KIAA1671: variants seen among roughly 807,000 people sequenced by gnomAD.
KIAA1671 encodes the protein uncharacterized protein KIAA1671.
KIAA1671 carries 52 observed loss-of-function variants against 131.2 expected under a neutral mutation model. That is an observed-to-expected ratio of 0.40 (90% CI 0.32 to 0.50). The LOEUF (loss-of-function observed/expected upper bound fraction) is 0.50, where lower values mean the gene tolerates loss of function less well. Ranked by LOEUF, KIAA1671 falls within the 20% of genes least tolerant of loss-of-function variation. KIAA1671 has a pLI of 0.73. For missense variants in KIAA1671, 2,360 were observed against 2,364.2 expected, an observed-to-expected ratio of 1.00 and a Z score of 0.04; for synonymous variants, 1,003 against 961.6, an observed-to-expected ratio of 1.04 and a Z score of -0.80.
At chr22:25,157,323 C>T (rs893555004) in intron 6 of KIAA1671, among the ~76,000 whole-genome samples, 3 of 152,150 alleles carry the variant, frequency 2.0e-5, no homozygotes, top group East Asian at 1.9e-4. Flanking sequence ...GTATTCTGTG[C>T]GTTTTGGTCT....
chr22:25,134,454 A>T (rs1164009010), intron 6 of KIAA1671, among the ~76,000 whole-genome samples: 1 of 152,072 alleles, frequency 6.6e-6, no homozygotes, highest in African/African-American at 2.4e-5. Context: ...TTTTTTCATT[A>T]TTGTTTTTAA....
At chr22:25,012,022 C>T (rs1461200117) in intron 1 of KIAA1671, 2 of 152,268 alleles carry the variant, frequency 1.3e-5, no homozygotes, top group East Asian at 3.9e-4. Context: ...TTTTTTAAAT[C>T]AGAATTGGGT....
At chr22:25,071,864 C>T (rs1261074280) in intron 6 of KIAA1671, among the ~76,000 whole-genome samples, 1 of 152,186 alleles carries the variant, frequency 6.6e-6, no homozygotes, top group Non-Finnish European at 1.5e-5. Context: ...ACGGCATGGT[C>T]CCCTGACCGC....
intron 1 of KIAA1671, among the ~76,000 whole-genome samples, chr22:25,017,639 T>C (rs1037668859): frequency 3.3e-5 from 5 of 152,218 alleles, no homozygotes; most frequent in Non-Finnish European, 7.3e-5. Context: ...TTTTATGTTA[T>C]GTGATTTTTA....
At chr22:24,983,924 A>G (rs1037707396) in intron 1 of KIAA1671, among the ~76,000 whole-genome samples, 1 of 151,874 alleles carries the variant, frequency 6.6e-6, no homozygotes, top group Non-Finnish European at 1.5e-5. Context: ...GATTACAGGC[A>G]TGCACCACCA....
intron 6 of KIAA1671, among the ~76,000 whole-genome samples, chr22:25,154,854 G>A (rs1933175324): frequency 6.6e-6 from 1 of 152,166 alleles, no homozygotes; most frequent in Admixed American, 6.5e-5. Context: ...TGCTCTGCAG[G>A]GCAGATGAGA....
At chr22:24,989,541 T>G (rs1923727532) in intron 1 of KIAA1671, among the ~76,000 whole-genome samples, 1 of 152,092 alleles carries the variant, frequency 6.6e-6, no homozygotes, top group Non-Finnish European at 1.5e-5. Flanking sequence ...GGCTGCATGG[T>G]CTCTAAGATG....
intron 5 of KIAA1671, among the ~76,000 whole-genome samples, chr22:25,048,191 G>T (rs1927350490): frequency 6.6e-6 from 1 of 152,352 alleles, no homozygotes; most frequent in Admixed American, 6.5e-5. Flanking sequence ...TTTTGAGCAC[G>T]TGGATCTGAG....
rs1489604686 is a variant in KIAA1671, at chr22:25,028,679, C to T, written c.680C>T (p.Thr227Met). ...PPSKASSVED[T>M]ARPLVEPRPR... ...TCAAAGGCCAGCAGTGTGGAGGACA[C>T]GGCACGCCCCCTTGTGGAGCCCAGG... The change falls in exon 3 of 13, where the codon ACG (threonine) becomes ATG (methionine). Residue 227 changes from threonine to methionine, a missense_variant. Around this residue, in one of 3 missense-constraint regions of KIAA1671, gnomAD observed 1,185 missense variants for 1,126.2 expected, o/e 1.05. Coordinates refer to ENST00000358431, the MANE Select transcript of KIAA1671 (RefSeq NM_001145206.2). The T allele has an allele frequency of 3.4e-5, 52 of 1,551,142 alleles. No individual in the cohort carries two copies. The African/African-American group carries it at 4.8e-4, about 14-fold the overall frequency.
intron 6 of KIAA1671, among the ~76,000 whole-genome samples, chr22:25,128,564 G>A (rs1932288831): frequency 6.6e-6 from 1 of 152,192 alleles, no homozygotes; most frequent in South Asian, 2.1e-4. Context: ...TTGTGGTCCA[G>A]TCTCAAGAAC....
At chr22:25,070,429 G>A (rs747019208) in intron 6 of KIAA1671, 35 of 471,160 alleles carry the variant, frequency 7.4e-5, no homozygotes, top group Middle Eastern at 2.9e-4. Flanking sequence ...GAGTGGCGGG[G>A]GGCAGTGCAG....
At chr22:24,997,979 C>T (rs1348071322) in intron 1 of KIAA1671, among the ~76,000 whole-genome samples, 1 of 152,196 alleles carries the variant, frequency 6.6e-6, no homozygotes, top group Non-Finnish European at 1.5e-5. Flanking sequence ...GTTTAGAATG[C>T]TGCTTGTTTT....
chr22:25,147,462 G>A (rs932686557), intron 6 of KIAA1671, among the ~76,000 whole-genome samples: 3 of 152,070 alleles, frequency 2.0e-5, no homozygotes, highest in Non-Finnish European at 2.9e-5. Context: ...CACAGTGTTG[G>A]GATTGTAGGT....
rs189460278 is a variant in KIAA1671, at chr22:25,086,641, C to T, written c.4530+37277C>T. On this transcript the variant is annotated intron_variant, in intron 6 of 12. Coordinates refer to ENST00000358431, the MANE Select transcript of KIAA1671 (RefSeq NM_001145206.2). Reference sequence around the variant, plus strand: ...GGACCTCGCCCATCTCCATCTGCCCCGTCCCATCCACCCAACCCCACTGCA... The same window carrying T: ...GGACCTCGCCCATCTCCATCTGCCCTGTCCCATCCACCCAACCCCACTGCA... Among the ~76,000 whole-genome samples, 78 of 152,284 alleles carry T rather than the reference C, an allele frequency of 5.1e-4. 1 individual carries two copies. In the East Asian group the frequency reaches 6.9e-3, roughly 14 times the overall value.
chr22:25,176,169 T>C (rs531427555), intron 8 of KIAA1671: 2 of 152,454 alleles, frequency 1.3e-5, no homozygotes, highest in South Asian at 2.1e-4. Context: ...GCAGGCACTT[T>C]CTGATTTCCG....
intron 1 of KIAA1671, among the ~76,000 whole-genome samples, chr22:24,975,886 C>T (rs1922885742): frequency 6.6e-6 from 1 of 152,196 alleles, no homozygotes; most frequent in African/African-American, 2.4e-5. Flanking sequence ...GCTGCTGACT[C>T]ACCAGCAGGA....
At chr22:25,158,297 A>C (rs1205570065) in intron 6 of KIAA1671, among the ~76,000 whole-genome samples, 1 of 152,192 alleles carries the variant, frequency 6.6e-6, no homozygotes, top group Admixed American at 6.5e-5. Context: ...CACTCCATCC[A>C]TCCATCCATC....
intron 6 of KIAA1671, among the ~76,000 whole-genome samples, chr22:25,093,838 GTCTCTCTCTCTCTCTCTCTC>G (rs56200570): frequency 3.1e-4 from 6 of 19,642 alleles, no homozygotes; most frequent in East Asian, 2.4e-3. Flanking sequence ...CTCTCTGTCT[GTCTCTCTCTCTCTCTCTCTC>G]TCTCTCTCTC....
chr22:25,120,255 G>A (rs534481335), intron 6 of KIAA1671, among the ~76,000 whole-genome samples: 3 of 152,316 alleles, frequency 2.0e-5, no homozygotes, highest in Non-Finnish European at 2.9e-5. Flanking sequence ...GGATTCAAGG[G>A]GTTAGACTTA....
Sources: gnomAD v4.1 joint callset for allele counts (sites outside exome capture counted in the v4.1 genomes callset) on GRCh38, gnomAD v4.1.1 for gene constraint, gnomAD v4.1.1 regional missense constraint, MANE v1.5 for transcripts, NCBI Gene and HGNC (gene_info 2026-07-23, HGNC 2026-07-21) for gene names.